The following CCDC180 variants were observed in gnomAD, a reference collection of about 807,000 sequenced individuals.
CCDC180 encodes the protein coiled-coil domain containing 180, also known as coiled-coil domain-containing protein 180.
In CCDC180, 154 loss-of-function variants were observed where a neutral mutation model predicts 209.2. That is an observed-to-expected ratio of 0.74 (90% CI 0.65 to 0.84). The LOEUF (loss-of-function observed/expected upper bound fraction) is 0.84, where lower values mean the gene tolerates loss of function less well. CCDC180 is among the 40% of genes least tolerant of loss of function. CCDC180 has a pLI of 0.00. For missense variants in CCDC180, 1,874 were observed against 1,997.3 expected (o/e 0.94, Z 1.18); for synonymous variants, 778 against 749.1 (o/e 1.04, Z -0.63).
chr9:97,357,497 C>T, intron 24 of CCDC180, 130 bp from the exon 25 acceptor site: 1 of 703,148 alleles, frequency 1.4e-6, no homozygotes, highest in Non-Finnish European at 2.5e-6. Context: ...TCTGGTAAAA[C>T]TGCATATTTT....
rs1826936943 is a variant in CCDC180, at chr9:97,366,796, TG to T, written c.4189+101del. The stretch of plus-strand genomic sequence containing the variant: ...GCCTTGTGGCCTGGATCCTCCCCTC[TG>T]GGGGAGGCAGAAGAGCTTCCCTGTG... On this transcript the variant is annotated intron_variant, in intron 31 of 36. Coordinates refer to ENST00000529487, the MANE Select transcript of CCDC180 (RefSeq NM_020893.6). The surrounding 1 kb of genome is among the most constrained non-coding windows in gnomAD (Gnocchi z 4.3). The T allele has an allele frequency of 2.2e-5, 29 of 1,308,534 alleles. No homozygotes were observed. The South Asian group carries it at 2.7e-4, about 12-fold the overall frequency. 81.1% of individuals were successfully genotyped at this position (1,308,534 alleles called of 1,614,324 possible).
At chr9:97,368,009 C>T (rs1003068691) in intron 31 of CCDC180, among the ~76,000 whole-genome samples, 1 of 152,126 alleles carries the variant, frequency 6.6e-6, no homozygotes, top group Admixed American at 6.6e-5. Context: ...ACATGATTGT[C>T]CTCAAAACAA....
intron 2 of CCDC180, 82 bp from the exon 3 acceptor site, chr9:97,309,332 T>C (rs1832902487): frequency 4.3e-6 from 6 of 1,396,780 alleles, no homozygotes; most frequent in Non-Finnish European, 4.9e-6. Flanking sequence ...GATGTCTTTC[T>C]AGACAGCCAC....
chr9:97,366,539 A>G lies in CCDC180; in HGVS notation c.4048-20A>G, dbSNP rs1329529950. The stretch of plus-strand genomic sequence containing the variant: ...AGTCCCATGGAGTCCTCACCCGCAC[A>G]TGGTCACCCTCTCTGGCAGGAGTTC... On this transcript the variant is annotated intron_variant, in intron 30 of 36. Transcript: ENST00000529487. The surrounding 1 kb of genome is among the most constrained non-coding windows in gnomAD (Gnocchi z 4.3). 1.9e-6 allele frequency: 3 copies of G among 1,609,662 alleles called. No individual in the cohort carries two copies. Among genetic ancestry groups the G allele is most frequent in the Non-Finnish European group, 2.5e-6 (3 of 1,177,700 alleles).
In CCDC180 at chr9:97,318,561, T is replaced by G; in HGVS notation, c.1058T>G (p.Leu353Arg). Reference protein sequence around the residue: ...KTQNVLQQRRLKHLCTICDLL... With the variant: ...KTQNVLQQRRRKHLCTICDLL... ...CAGAACGTCCTGCAGCAAAGGCGGCTGAAGCATCTCTGCACCATCTGGTAT... is the reference window on the plus strand; with the variant it reads ...CAGAACGTCCTGCAGCAAAGGCGGCGGAAGCATCTCTGCACCATCTGGTAT... The change falls in exon 10 of 37, where the codon CTG becomes CGG. Residue 353 changes from leucine (L) to arginine (R), a missense_variant. By Grantham distance (102) the Leu-to-Arg change is moderately radical. Coordinates refer to ENST00000529487, the MANE Select transcript of CCDC180 (RefSeq NM_020893.6). 6.2e-7 allele frequency: 1 copy of G among 1,613,256 alleles called. No individual in the cohort carries two copies. The highest frequency in any genetic ancestry group is 1.3e-5 in the African/African-American group (1 of 75,044).
chr9:97,308,362 T>C (rs1222325169), intron 2 of CCDC180, among the ~76,000 whole-genome samples: 1 of 152,268 alleles, frequency 6.6e-6, no homozygotes, highest in Non-Finnish European at 1.5e-5. Context: ...TGTAAATTAC[T>C]CAGAAATAGC....
chr9:97,376,692 C>T (rs1345298735), intron 36 of CCDC180, 71 bp from the exon 37 acceptor site: 6 of 1,519,586 alleles, frequency 3.9e-6, no homozygotes, highest in Non-Finnish European at 8.9e-7. Context: ...CAGCAAGTTA[C>T]AGCATTGCCC....
intron 20 of CCDC180, 97 bp downstream of exon 20, chr9:97,347,586 A>G (rs1826299417): frequency 8.4e-7 from 1 of 1,192,022 alleles, no homozygotes; most frequent in African/African-American, 1.5e-5. Flanking sequence ...CCCAGTTTGT[A>G]CCATGCAATG....
At chr9:97,321,620 A>G (rs1833361757) in intron 11 of CCDC180, among the ~76,000 whole-genome samples, 1 of 152,206 alleles carries the variant, frequency 6.6e-6, no homozygotes. Flanking sequence ...AGTGCCTCCT[A>G]CAGACAGGCA....
intron 18 of CCDC180, 39 bp downstream of exon 18, chr9:97,330,806 G>A (rs1443943505): frequency 1.9e-6 from 3 of 1,555,930 alleles, no homozygotes; most frequent in Non-Finnish European, 2.6e-6. Context: ...CATAGAGAAA[G>A]TTTGCTATGC....
chr9:97,328,551 C>T (rs577647893), intron 16 of CCDC180, among the ~76,000 whole-genome samples: 2 of 152,170 alleles, frequency 1.3e-5, no homozygotes, highest in African/African-American at 4.8e-5. Context: ...GCCCCACTCT[C>T]TCTGCTTCCC....
intron 18 of CCDC180, among the ~76,000 whole-genome samples, chr9:97,338,706 C>G (rs1825984723): frequency 6.6e-6 from 1 of 152,138 alleles, no homozygotes; most frequent in Non-Finnish European, 1.5e-5. Context: ...AGTTCAAGTC[C>G]TGGATATCCT....
intron 17 of CCDC180, 55 bp downstream of exon 17, chr9:97,330,248 G>C: frequency 6.2e-7 from 1 of 1,609,934 alleles, no homozygotes; most frequent in Non-Finnish European, 8.5e-7. Context: ...TTACGCGTTT[G>C]TGGGTTGGGA....
chr9:97,349,481 G>A (rs1002781747), intron 21 of CCDC180, among the ~76,000 whole-genome samples, 190 bp downstream of exon 21: 1 of 152,250 alleles, frequency 6.6e-6, no homozygotes, highest in African/African-American at 2.4e-5. Flanking sequence ...AGGGCAGGGA[G>A]TGAGCAGCCA....
intron 28 of CCDC180, 93 bp from the exon 29 acceptor site, chr9:97,363,958 G>A: frequency 7.9e-7 from 1 of 1,269,454 alleles, no homozygotes; most frequent in Middle Eastern, 1.9e-4. Context: ...CAGGCCCAAT[G>A]CCTCCAGAAA....
At chr9:97,360,214 C>G in intron 26 of CCDC180, 113 bp downstream of exon 26, 1 of 1,280,860 alleles carries the variant, frequency 7.8e-7, no homozygotes, top group Admixed American at 2.2e-5. Context: ...CAGGCCTCCG[C>G]GGGACATCAG....
Position 97,347,480 on chromosome 9 carries a change from G to T in CCDC180, c.2665G>T (p.Val889Phe). Residue 889 changes from valine (V) to phenylalanine (F), a missense_variant, in exon 20 of 37, where the codon GTC (valine) becomes TTC (phenylalanine). Transcript: ENST00000529487. ...GCAGATTGAAAAAGACATCCACAAC[G>T]TCAGGGCAGGTACAGATGCTGCCTG... The part of the protein sequence containing the change: ...AQQIEKDIHN[V>F]RAAELLLHQE... 1 of 1,536,050 alleles carries T rather than the reference G, an allele frequency of 6.5e-7. No homozygotes were observed. The highest frequency in any genetic ancestry group is 8.7e-7 in the Non-Finnish European group (1 of 1,146,882).
chr9:97,365,651 A>T (rs116654255), intron 29 of CCDC180, 22 bp from the exon 30 acceptor site: 506 of 1,610,792 alleles, frequency 3.1e-4, no homozygotes, highest in African/African-American at 2.8e-3. Flanking sequence ...CCCCTCAGGG[A>T]TCTGTCTCGT....
intron 18 of CCDC180, among the ~76,000 whole-genome samples, chr9:97,339,877 A>G (rs923439379): frequency 1.3e-5 from 2 of 151,880 alleles, no homozygotes; most frequent in Admixed American, 6.6e-5. Context: ...TTTTTTCTCT[A>G]AACTTCTCTT....
Sources: allele counts gnomAD v4.1 joint callset (sites outside exome capture counted in the v4.1 genomes callset), GRCh38; gene constraint gnomAD v4.1.1; non-coding constraint Gnocchi (gnomAD v3.1); transcripts MANE v1.5; gene names NCBI Gene and HGNC (gene_info 2026-07-23, HGNC 2026-07-21).